The following SPADH variants were observed in gnomAD, a reference collection of about 807,000 sequenced individuals.
SPADH encodes spermadhesin family member.
the SPADH span, chr10:122,676,770 G>T: frequency 1.0e-6 from 1 of 985,232 alleles, no homozygotes; most frequent in Non-Finnish European, 1.2e-6. Context: ...CAGTGACTGT[G>T]GGGGCCACTA....
At chr10:122,674,883 C>T in the SPADH span, among the ~76,000 whole-genome samples, 1 of 152,122 alleles carries the variant, frequency 6.6e-6, no homozygotes, top group South Asian at 2.1e-4. Flanking sequence ...AAACTTTGTC[C>T]AAAGTCGTTC....
the SPADH span, among the ~76,000 whole-genome samples, chr10:122,673,333 G>A: frequency 6.6e-6 from 1 of 152,210 alleles, no homozygotes; most frequent in Non-Finnish European, 1.5e-5. Context: ...GCCCTGCATT[G>A]AATGTGTCTG....
the SPADH span, among the ~76,000 whole-genome samples, chr10:122,678,470 A>G: frequency 1.3e-5 from 2 of 152,156 alleles, no homozygotes; most frequent in Non-Finnish European, 2.9e-5. Context: ...GTTGTGGTTT[A>G]AGGAAACATA....
chr10:122,675,505 T>C, the SPADH span: 1 of 172,356 alleles, frequency 5.8e-6, no homozygotes, highest in African/African-American at 2.4e-5. Flanking sequence ...CCTGCTTAGC[T>C]CTGTCCCTTT....
At chr10:122,678,805 G>A in the SPADH span, 12 of 725,610 alleles carry the variant, frequency 1.7e-5, no homozygotes, top group Non-Finnish European at 1.9e-5. Flanking sequence ...CTGGCTGGAG[G>A]ACAAATCCAA....
At chr10:122,675,169 C>T in the SPADH span, among the ~76,000 whole-genome samples, 4 of 152,120 alleles carry the variant, frequency 2.6e-5, no homozygotes, top group Non-Finnish European at 5.9e-5. Context: ...ATAGAATTTA[C>T]AAGGAGAAGT....
At chr10:122,677,858 A>G in the SPADH span, among the ~76,000 whole-genome samples, 33 of 152,334 alleles carry the variant, frequency 2.2e-4, no homozygotes, top group Non-Finnish European at 3.2e-4. Flanking sequence ...ATGTGTGGCC[A>G]TGAAGACCCA....
the SPADH span, chr10:122,676,691 GAC>G: frequency 1.0e-6 from 1 of 982,776 alleles, no homozygotes; most frequent in Non-Finnish European, 1.2e-6. Context: ...CCCCTGGAAT[GAC>G]ACAAGCCAAT....
At chr10:122,673,370 C>T in the SPADH span, among the ~76,000 whole-genome samples, 1 of 152,124 alleles carries the variant, frequency 6.6e-6, no homozygotes, top group Non-Finnish European at 1.5e-5. Context: ...TAACTGTGGC[C>T]CTTGGGGGAG....
At chr10:122,678,892 TC>T in the SPADH span, 6 of 984,970 alleles carry the variant, frequency 6.1e-6, no homozygotes, top group African/African-American at 1.7e-5. Context: ...TGGATGGACC[TC>T]CAGGGTCTGA....
chr10:122,676,820 GA>G, the SPADH span: 1 of 985,288 alleles, frequency 1.0e-6, no homozygotes, highest in African/African-American at 1.7e-5. Flanking sequence ...ACGCTGGGCC[GA>G]AAACTGAATG....
chr10:122,677,123 T>C, the SPADH span, among the ~76,000 whole-genome samples: 1 of 152,192 alleles, frequency 6.6e-6, no homozygotes, highest in African/African-American at 2.4e-5. Flanking sequence ...TCTTCTCTGC[T>C]CACTTCTGAT....
At chr10:122,676,416 G>T in the SPADH span, among the ~76,000 whole-genome samples, 1 of 152,204 alleles carries the variant, frequency 6.6e-6, no homozygotes, top group Non-Finnish European at 1.5e-5. Flanking sequence ...GAAAAGATCT[G>T]TAGGGAAATG....
chr10:122,679,297 T>C, the SPADH span, among the ~76,000 whole-genome samples: 1 of 152,190 alleles, frequency 6.6e-6, no homozygotes, highest in East Asian at 1.9e-4. Context: ...GTGAAAACTT[T>C]ATCTTTCCTG....
the SPADH span, among the ~76,000 whole-genome samples, chr10:122,678,590 C>G: frequency 6.6e-6 from 1 of 152,162 alleles, no homozygotes. Context: ...CCCTGGAAGA[C>G]ATGGAAACCA....
the SPADH span, among the ~76,000 whole-genome samples, chr10:122,674,404 T>C: frequency 6.6e-6 from 1 of 152,218 alleles, no homozygotes; most frequent in Non-Finnish European, 1.5e-5. Flanking sequence ...AGAATCTAGA[T>C]GAAAGGAATT....
At chr10:122,673,038 C>A in the SPADH span, 1 of 440,658 alleles carries the variant, frequency 2.3e-6, no homozygotes, top group Non-Finnish European at 3.0e-6. Context: ...GGCTGATTAG[C>A]TGAAAGATAC....
the SPADH span, chr10:122,675,613 GT>G: frequency 1.3e-5 from 13 of 973,736 alleles, no homozygotes; most frequent in Non-Finnish European, 1.6e-5. Context: ...GATTTTCATG[GT>G]TTTTTTTGTT....
At chr10:122,675,059 A>C in the SPADH span, among the ~76,000 whole-genome samples, 1,463 of 152,308 alleles carry the variant, frequency 9.6e-3, 9 homozygotes, top group Non-Finnish European at 0.014. Context: ...CCAGTCCCTG[A>C]ATAGTGAAAT....
Sources: gnomAD v4.1 joint callset for allele counts (sites outside exome capture counted in the v4.1 genomes callset) on GRCh38, gnomAD v4.1.1 for gene constraint, MANE v1.5 for transcripts, NCBI Gene and HGNC (gene_info 2026-07-23, HGNC 2026-07-21) for gene names.